SCN9A: variants seen among roughly 807,000 people sequenced by gnomAD.
SCN9A encodes the protein sodium channel protein type 9 subunit alpha.
A neutral mutation model predicts 187.0 loss-of-function variants in SCN9A; 131 were observed. The ratio of observed to expected loss-of-function variants is 0.70; its 90% confidence interval spans 0.61 to 0.81. SCN9A has a LOEUF of 0.81. Ranked by LOEUF, SCN9A falls within the 30% of genes least tolerant of loss-of-function variation. The pLI is 0.00. For synonymous variants in SCN9A, 809 were observed against 808.6 expected (o/e 1.00, Z -0.01); for missense variants, 2,252 against 2,396.6 (o/e 0.94, Z 1.26).
Position 166,281,691 on chromosome 2 carries a change from T to C in SCN9A, c.2092A>G (p.Asn698Asp). 1 of 1,613,164 alleles carries C rather than the reference T, an allele frequency of 6.2e-7. No homozygotes were observed. Among genetic ancestry groups the C allele is most frequent in the African/African-American group, 1.3e-5 (1 of 75,018 alleles). ...RAMSRASILT[N>D]TVEELEESRQ... The stretch of plus-strand genomic sequence containing the variant: ...GATTATTACATACCTTCCACAGTGT[T>C]TGTTAATATGCTTGCTCTACTCATT... Residue 698 changes from asparagine to aspartate, a missense_variant, in exon 13 of 27, where the codon AAC becomes GAC. By Grantham distance (23) the Asn-to-Asp change is conservative. Around this residue, in one of 7 missense-constraint regions of SCN9A, gnomAD observed 1,013 missense variants for 997.4 expected, o/e 1.02. Transcript: ENST00000642356.
chr2:166,303,535 A>G (rs1254168476), intron 6 of SCN9A, among the ~76,000 whole-genome samples: 1 of 152,156 alleles, frequency 6.6e-6, no homozygotes, highest in East Asian at 1.9e-4. Flanking sequence ...GTCAAAATGA[A>G]CAATTTGGCT....
chr2:166,312,986 AATT>A (rs1425105787), intron 1 of SCN9A, among the ~76,000 whole-genome samples: 4 of 91,890 alleles, frequency 4.4e-5, no homozygotes, highest in African/African-American at 1.1e-4. Flanking sequence ...TAAATAATAT[AATT>A]ATTATTTAAT....
chr2:166,322,981 G>A (rs1256239679), intron 1 of SCN9A, among the ~76,000 whole-genome samples: 1 of 152,112 alleles, frequency 6.6e-6, no homozygotes, highest in Non-Finnish European at 1.5e-5. Context: ...ACTGTTGATT[G>A]CTCAAAGGAT....
chr2:166,262,698 C>T (rs1206278517), intron 17 of SCN9A, among the ~76,000 whole-genome samples: 2 of 151,932 alleles, frequency 1.3e-5, no homozygotes, highest in African/African-American at 2.4e-5. Flanking sequence ...CATGACTAAC[C>T]AAATCTTTTC....
At chr2:166,264,495 G>A (rs1238947032) in intron 17 of SCN9A, among the ~76,000 whole-genome samples, 2 of 151,966 alleles carry the variant, frequency 1.3e-5, no homozygotes, top group Non-Finnish European at 1.5e-5. Context: ...AAGTGCTATT[G>A]TTCTATTTCC....
Position 166,311,330 on chromosome 2 carries a change from CTATATA to C in SCN9A, c.258+163_258+168del, listed in dbSNP as rs10688081. On this transcript the variant is annotated intron_variant, in intron 2 of 26. Coordinates refer to ENST00000642356, the MANE Select transcript of SCN9A (RefSeq NM_001365536.1). ...TGAAAAAGTACAGATTCTGAATATC[CTATATA>C]TATATATATATATATATATATATAT... Among the ~76,000 whole-genome samples the C allele has an allele frequency of 6.2e-3, 289 of 46,672 alleles. 5 individuals are homozygous for C. Among genetic ancestry groups the C allele is most frequent in the Middle Eastern group, 0.022 (1 of 46 alleles). 30.6% of individuals were successfully genotyped at this position (46,672 alleles called of 152,430 possible). A position where few individuals can be genotyped will look rare whatever the true frequency, so the allele number is the denominator to read the frequency against.
intron 22 of SCN9A, among the ~76,000 whole-genome samples, chr2:166,227,942 A>G (rs1391974822): frequency 6.6e-6 from 1 of 152,182 alleles, no homozygotes; most frequent in Non-Finnish European, 1.5e-5. Flanking sequence ...CTAAATTGTT[A>G]CAGTTGCCTG....
intron 19 of SCN9A, among the ~76,000 whole-genome samples, chr2:166,240,712 A>T (rs1695527453): frequency 6.6e-6 from 1 of 152,132 alleles, no homozygotes; most frequent in Non-Finnish European, 1.5e-5. Context: ...ACTTGATAGG[A>T]AAGGAAAGCC....
At chr2:166,212,548 A>G (rs549174642) in intron 24 of SCN9A, among the ~76,000 whole-genome samples, 156 of 152,324 alleles carry the variant, frequency 1.0e-3, no homozygotes, top group African/African-American at 3.5e-3. Flanking sequence ...AGTAGGATAC[A>G]TCAATACCCG....
intron 24 of SCN9A, among the ~76,000 whole-genome samples, chr2:166,208,235 C>T (rs1005346431): frequency 6.6e-6 from 1 of 152,126 alleles, no homozygotes; most frequent in Admixed American, 6.5e-5. Flanking sequence ...AAGACTTCTT[C>T]ACTTCTGGTG....
intron 26 of SCN9A, among the ~76,000 whole-genome samples, chr2:166,201,104 T>C (rs963868792): frequency 1.3e-5 from 2 of 151,638 alleles, no homozygotes; most frequent in African/African-American, 4.8e-5. Context: ...AATAGCTATG[T>C]TCTCCTAATT....
At chr2:166,335,188 G>A (rs1012411332) in intron 1 of SCN9A, among the ~76,000 whole-genome samples, 2 of 152,032 alleles carry the variant, frequency 1.3e-5, no homozygotes, top group Non-Finnish European at 2.9e-5. Flanking sequence ...ATTGACCCAG[G>A]AATTGAAAAG....
intron 7 of SCN9A, chr2:166,302,573 A>G (rs538040234): frequency 7.9e-5 from 12 of 152,024 alleles, no homozygotes; most frequent in Admixed American, 2.6e-4. Flanking sequence ...CTTTAGGAAT[A>G]CTATCAAGAT....
intron 26 of SCN9A, 63 bp downstream of exon 26, chr2:166,203,892 C>T: frequency 9.9e-7 from 1 of 1,008,298 alleles, no homozygotes; most frequent in Non-Finnish European, 1.5e-6. Flanking sequence ...CATATACTTC[C>T]TTGAGCATAA....
chr2:166,353,222 C>CA (rs112222195), intron 1 of SCN9A, among the ~76,000 whole-genome samples: 2,874 of 80,694 alleles, frequency 0.036, 39 homozygotes, highest in African/African-American at 0.072. Flanking sequence ...TCCCTGTTTC[C>CA]AAAAAAAAAA....
intron 8 of SCN9A, 64 bp from the exon 9 acceptor site, chr2:166,293,436 T>C: frequency 1.4e-6 from 2 of 1,408,328 alleles, no homozygotes; most frequent in Non-Finnish European, 1.9e-6. Flanking sequence ...ATAGCCTTAC[T>C]GAAAAGTTAC....
chr2:166,251,817 T>A lies in SCN9A; in HGVS notation c.3420A>T (p.Glu1140Asp), dbSNP rs201049193. 1.8e-5 allele frequency: 29 copies of A among 1,612,582 alleles called. No individual in the cohort carries two copies. The highest frequency in any genetic ancestry group is 2.5e-5 in the Non-Finnish European group (29 of 1,179,132). Residue 1140 changes from glutamate to aspartate, a missense_variant, in exon 18 of 27, where the codon GAA (glutamate) becomes GAT (aspartate). Physicochemically the swap from Glu to Asp is conservative, Grantham distance 45. Around this residue, in one of 7 missense-constraint regions of SCN9A, gnomAD observed 313 missense variants for 295.3 expected, o/e 1.06. Transcript: ENST00000642356. ...CGGAATTCATAGGTTCAGCCTCTGC[T>A]TCTTCTCCTTCTCCAGGCAAAGGGT... The part of the protein sequence containing the change: ...VDNPLPGEGE[E>D]AEAEPMNSDE...
chr2:166,306,535 G>A lies in SCN9A; in HGVS notation c.442C>T (p.Pro148Ser). Residue 148 changes from proline (P) to serine (S), a missense_variant, in exon 4 of 27, where the codon CCA becomes TCA. This residue lies in a region of SCN9A where 1,013 missense variants were observed against 997.4 expected (regional missense o/e 1.02). Transcript: ENST00000642356. ...TCGACATTTTTGGTCCAGTCCGGTG[G>A]GTTATTCATGGTCATAAATATGCAG... ...TNCIFMTMNNPPDWTKNVEYT... is the reference protein window; with the variant it reads ...TNCIFMTMNNSPDWTKNVEYT... 2 of 1,576,678 alleles carry A rather than the reference G, an allele frequency of 1.3e-6. No homozygotes were observed. The highest frequency in any genetic ancestry group is 1.8e-5 in the Admixed American group (1 of 55,162).
Position 166,288,590 on chromosome 2 carries a change from G to C in SCN9A, c.1161C>G (p.Phe387Leu). 1.2e-6 allele frequency: 2 copies of C among 1,611,638 alleles called. No individual in the cohort carries two copies. The highest frequency in any genetic ancestry group is 1.7e-6 in the Non-Finnish European group (2 of 1,178,386). ...TYMIFFVVVIFLGSFYLINLI... is the reference protein window; with the variant it reads ...TYMIFFVVVILLGSFYLINLI... ...AGTTTATTAGATAAAAGGAGCCCAG[G>C]AAAATCACTACGACAAAGAAGATCA... Residue 387 changes from phenylalanine (F) to leucine (L), a missense_variant, in exon 10 of 27, where the codon TTC (phenylalanine) becomes TTG (leucine). By Grantham distance (22) the Phe-to-Leu change is conservative. Transcript: ENST00000642356.
Sources: allele counts gnomAD v4.1 joint callset (sites outside exome capture counted in the v4.1 genomes callset), GRCh38; gene constraint gnomAD v4.1.1; regional missense constraint gnomAD v4.1.1; transcripts MANE v1.5; gene names NCBI Gene and HGNC (gene_info 2026-07-23, HGNC 2026-07-21).